Variants in ZNF568 observed in about 807,000 individuals in gnomAD.
The protein encoded by ZNF568 is zinc finger protein 568.
A neutral mutation model predicts 18.1 loss-of-function variants in ZNF568; 11 were observed. That is an observed-to-expected ratio of 0.61 (90% CI 0.38 to 1.00). The LOEUF is 1.00. ZNF568 is among the 50% of genes least tolerant of loss of function. ZNF568 has a pLI of 0.01. For synonymous variants in ZNF568, 213 were observed against 246.6 expected, an observed-to-expected ratio of 0.86 and a Z score of 1.28; for missense variants, 639 against 768.2, an observed-to-expected ratio of 0.83 and a Z score of 1.99.
In ZNF568 at chr19:36,984,975, T is replaced by C. The variant is rs1034367558; in HGVS notation, c.10-6201T>C. On this transcript the variant is annotated intron_variant, in intron 2 of 4. Transcript: ENST00000433993. The stretch of plus-strand genomic sequence containing the variant: ...TCCTGAATCTGAATAATGCCAATTC[T>C]GAAAATTTCTTAGCTGTCCTGTCTT... 2.2e-5 allele frequency among the ~76,000 whole-genome samples: 3 copies of C among 134,438 alleles called. No individual in the cohort carries two copies. In the Admixed American group the frequency reaches 2.3e-4, roughly 10 times the overall value. 88.2% of individuals were successfully genotyped at this position (134,438 alleles called of 152,430 possible).
intron 3 of ZNF568, chr19:36,991,452 T>C: frequency 8.9e-7 from 1 of 1,129,084 alleles, no homozygotes; most frequent in Non-Finnish European, 1.2e-6. Flanking sequence ...GAATGGTTTG[T>C]CTCTTGTGAA....
intron 6 of ZNF568, among the ~76,000 whole-genome samples, chr19:36,959,327 T>C (rs2074130955): frequency 6.6e-6 from 1 of 152,200 alleles, no homozygotes; most frequent in African/African-American, 2.4e-5. Flanking sequence ...CTGATTTGCA[T>C]ACATTGACCC....
At chr19:36,997,349 A>C, downstream of ZNF568, 1 of 1,602,676 alleles carries the variant, frequency 6.2e-7, no homozygotes, top group South Asian at 1.1e-5. Flanking sequence ...CTTACCCGAC[A>C]TCAGAGAGCT....
chr19:36,958,307 A>ATTTCC (rs1461647116), intron 6 of ZNF568, among the ~76,000 whole-genome samples: 2 of 152,066 alleles, frequency 1.3e-5, no homozygotes, highest in African/African-American at 4.8e-5. Flanking sequence ...GTTAGGGAAT[A>ATTTCC]TTTCCTTTTT....
chr19:36,996,306 T>C (rs2074470821), intron 4 of ZNF568: 4 of 1,512,188 alleles, frequency 2.6e-6, no homozygotes, highest in Non-Finnish European at 3.5e-6. Flanking sequence ...TTCTTTCTTA[T>C]TATTTTGCAG....
chr19:36,933,694 TG>T (rs1568384210), intron 4 of ZNF568, among the ~76,000 whole-genome samples: 14 of 151,680 alleles, frequency 9.2e-5, no homozygotes. Context: ...AGTGTTTTTT[TG>T]GGGGGTGGTG....
chr19:36,974,464 G>T lies in ZNF568; in HGVS notation c.403G>T (p.Glu135Ter). The T allele has an allele frequency of 6.5e-7, 1 of 1,536,114 alleles. No individual in the cohort carries two copies. The highest frequency in any genetic ancestry group is 8.7e-7 in the Non-Finnish European group (1 of 1,146,866). Residue 135 changes from glutamate to a stop codon, truncating the protein, a stop_gained and splice_region_variant, in exon 7 of 8, where the codon GAG (glutamate) becomes TAG (stop). Transcript: ENST00000427117. LOFTEE classifies it high-confidence loss of function. ...CTGCTGTGCGTCTGAAGTGATGGCG[G>T]AGGTAAGTTGCATTTGACATTTTCT...
At chr19:36,977,637 CAGA>C (rs2074296770) in intron 7 of ZNF568, among the ~76,000 whole-genome samples, 1 of 152,176 alleles carries the variant, frequency 6.6e-6, no homozygotes, top group African/African-American at 2.4e-5. Flanking sequence ...CTAAGATTAT[CAGA>C]AGATCACCAC....
chr19:36,985,710 A>G (rs2074370743), intron 2 of ZNF568, among the ~76,000 whole-genome samples: 2 of 152,226 alleles, frequency 1.3e-5, no homozygotes, highest in Admixed American at 6.5e-5. Context: ...TTAAGTAGAG[A>G]TGGGGTTTCC....
In ZNF568 at chr19:36,950,000, T is replaced by G; in HGVS notation, c.847T>G (p.Cys283Gly). ...TGEKPYKCNE[C>G]GKAFIQMSNL... ...GGAAAAACCGTATAAGTGTAATGAATGTGGAAAAGCTTTCATTCAGATGTC... is the reference window on the plus strand; with the variant it reads ...GGAAAAACCGTATAAGTGTAATGAAGGTGGAAAAGCTTTCATTCAGATGTC... The change falls in exon 7 of 7, where the codon TGT (cysteine) becomes GGT (glycine). Residue 283 changes from cysteine (C) to glycine (G), a missense_variant. Coordinates refer to ENST00000333987, the MANE Select transcript of ZNF568 (RefSeq NM_198539.4). 6.2e-7 allele frequency: 1 copy of G among 1,613,966 alleles called. No individual in the cohort carries two copies. The highest frequency in any genetic ancestry group is 8.5e-7 in the Non-Finnish European group (1 of 1,179,940).
At chr19:36,982,668 T>G (rs1039485655), downstream of ZNF568, among the ~76,000 whole-genome samples, 1 of 152,100 alleles carries the variant, frequency 6.6e-6, no homozygotes, top group Non-Finnish European at 1.5e-5. Context: ...ATCGCGCCAT[T>G]GCACTCCAGC....
chr19:36,939,746 G>A (rs2073850526), intron 6 of ZNF568, among the ~76,000 whole-genome samples: 1 of 151,824 alleles, frequency 6.6e-6, no homozygotes, highest in Non-Finnish European at 1.5e-5. Flanking sequence ...TCACCATGTT[G>A]GCCAGGCTGG....
chr19:36,957,893 T>C (rs972630992), intron 6 of ZNF568, among the ~76,000 whole-genome samples: 3 of 152,174 alleles, frequency 2.0e-5, no homozygotes, highest in Non-Finnish European at 4.4e-5. Flanking sequence ...GATTCAGATT[T>C]TGAAGGATTG....
In ZNF568 at chr19:36,922,774, A is replaced by G. The variant is rs752587707; in HGVS notation, c.4A>G (p.Thr2Ala). M[T>A]SQSSVISNSC... Reference sequence around the variant, plus strand: ...GCCCAGAGCAGGCAGGGTCTGAATGACATCTCAATCTTCAGTGATCAGCAA... The same window carrying G: ...GCCCAGAGCAGGCAGGGTCTGAATGGCATCTCAATCTTCAGTGATCAGCAA... Residue 2 changes from threonine to alanine, a missense_variant, in exon 3 of 7, where the codon ACA becomes GCA. By Grantham distance (58) the Thr-to-Ala change is moderately conservative. Coordinates refer to ENST00000333987, the MANE Select transcript of ZNF568 (RefSeq NM_198539.4). The G allele has an allele frequency of 6.2e-7, 1 of 1,614,002 alleles. No individual in the cohort carries two copies. Among genetic ancestry groups the G allele is most frequent in the Non-Finnish European group, 8.5e-7 (1 of 1,179,962 alleles).
At chr19:36,941,985 T>G (rs983193872) in intron 6 of ZNF568, among the ~76,000 whole-genome samples, 5 of 146,854 alleles carry the variant, frequency 3.4e-5, no homozygotes, top group Non-Finnish European at 1.5e-5. Flanking sequence ...CTCTGTAAAT[T>G]TTTTTTTTTT....
intron 2 of ZNF568, among the ~76,000 whole-genome samples, chr19:36,986,624 T>C (rs1667350): frequency 0.53 from 81,134 of 151,912 alleles, 22,204 homozygotes; most frequent in African/African-American, 0.62. Context: ...TGATTTTCTT[T>C]TTTTCCCCCC....
At chr19:36,985,465 C>A (rs1206759436) in intron 2 of ZNF568, among the ~76,000 whole-genome samples, 1 of 152,062 alleles carries the variant, frequency 6.6e-6, no homozygotes, top group African/African-American at 2.4e-5. Context: ...ATTTTCCTGA[C>A]TCTTTGTTCA....
chr19:36,979,046 C>G, exon 8 of ZNF568: 1 of 311,034 alleles, frequency 3.2e-6, no homozygotes, highest in Non-Finnish European at 6.2e-6. Context: ...TGCAATGGCG[C>G]GATCTCAGCT....
chr19:36,991,344 C>A, intron 3 of ZNF568: 1 of 1,473,048 alleles, frequency 6.8e-7, no homozygotes, highest in South Asian at 1.3e-5. Context: ...CCGCCAAACA[C>A]ACAATTGGCC....
Sources: gnomAD v4.1 joint callset for allele counts (sites outside exome capture counted in the v4.1 genomes callset) on GRCh38, gnomAD v4.1.1 for gene constraint, MANE v1.5 for transcripts, NCBI Gene and HGNC (gene_info 2026-07-23, HGNC 2026-07-21) for gene names.